Variants in GRIN2A observed in about 807,000 individuals in gnomAD.
GRIN2A encodes glutamate receptor ionotropic, NMDA 2A.
Under a neutral mutation model 113.4 loss-of-function variants are expected in GRIN2A, and 22 were observed. The ratio of observed to expected loss-of-function variants is 0.19; its 90% CI spans 0.14 to 0.28. GRIN2A has a LOEUF of 0.28. GRIN2A is among the 10% of genes least tolerant of loss of function. GRIN2A has a pLI of 1.00. For missense variants in GRIN2A, 1,502 were observed against 1,887.0 expected (o/e 0.80, Z 3.78); for synonymous variants, 827 against 738.4 (o/e 1.12, Z -1.94).
intron 2 of GRIN2A, among the ~76,000 whole-genome samples, chr16:10,102,072 C>G (rs28718954): frequency 0.42 from 63,730 of 152,040 alleles, 13,604 homozygotes; most frequent in East Asian, 0.5. Context: ...AATCATCACA[C>G]GAACTCCTAG....
At chr16:10,079,175 G>A (rs2047933784) in intron 2 of GRIN2A, among the ~76,000 whole-genome samples, 1 of 152,182 alleles carries the variant, frequency 6.6e-6, no homozygotes, top group Non-Finnish European at 1.5e-5. Context: ...GTGCCTTTGG[G>A]AGCTTAATTT....
At chr16:9,800,350 G>A (rs866290075) in intron 10 of GRIN2A, among the ~76,000 whole-genome samples, 1 of 152,084 alleles carries the variant, frequency 6.6e-6, no homozygotes, top group Non-Finnish European at 1.5e-5. Flanking sequence ...TGGAATGCAG[G>A]GATGAATGTC....
rs369551956 is a variant in GRIN2A at position 9,764,001 on chromosome 16, G to C, written c.3543C>G (p.Asn1181Lys). The C allele has an allele frequency of 6.2e-7, 1 of 1,614,140 alleles. No homozygotes were observed. Among genetic ancestry groups the C allele is most frequent in the Non-Finnish European group, 8.5e-7 (1 of 1,180,016 alleles). ...PLHNEEGLSN[N>K]DQYKLYSKHF... ...GCTTGGAGTAGAGTTTATACTGGTC[G>C]TTGTTGGAAAGCCCCTCTTCATTAT... Residue 1181 changes from asparagine (N) to lysine (K), a missense_variant, in exon 13 of 13, where the codon AAC (asparagine) becomes AAG (lysine). Asn to Lys is a moderately conservative substitution (Grantham distance 94, BLOSUM62 0). Coordinates refer to ENST00000330684, the MANE Select transcript of GRIN2A (RefSeq NM_001134407.3).
intron 2 of GRIN2A, among the ~76,000 whole-genome samples, chr16:10,172,236 T>C (rs1389276611): frequency 6.6e-6 from 1 of 152,246 alleles, no homozygotes; most frequent in Non-Finnish European, 1.5e-5. Flanking sequence ...ATTTCATTCT[T>C]CAGACTCTTT....
At chr16:10,132,586 T>C (rs1193558797) in intron 2 of GRIN2A, among the ~76,000 whole-genome samples, 3 of 152,202 alleles carry the variant, frequency 2.0e-5, no homozygotes, top group African/African-American at 4.8e-5. Flanking sequence ...TCCATAGGCA[T>C]TGGAATCATT....
At chr16:9,956,497 A>G (rs2045313700) in intron 2 of GRIN2A, among the ~76,000 whole-genome samples, 3 of 152,302 alleles carry the variant, frequency 2.0e-5, no homozygotes, top group Admixed American at 2.0e-4. Context: ...CCAGATGTCA[A>G]TTATCACTTA....
intron 2 of GRIN2A, among the ~76,000 whole-genome samples, chr16:10,165,513 T>TATATATATATATGTATATATATATAC (rs1325094168): frequency 8.8e-5 from 7 of 79,268 alleles, no homozygotes; most frequent in African/African-American, 2.2e-4. Context: ...TATATATACA[T>TATATATATATATGTATATATATATAC]ATATATATAT....
intron 7 of GRIN2A, among the ~76,000 whole-genome samples, chr16:9,835,436 C>A (rs1057028644): frequency 6.6e-6 from 1 of 152,076 alleles, no homozygotes; most frequent in African/African-American, 2.4e-5. Context: ...AATAAGATTA[C>A]TATTCAACTT....
intron 2 of GRIN2A, among the ~76,000 whole-genome samples, chr16:10,060,178 G>T (rs897047747): frequency 6.6e-6 from 1 of 152,110 alleles, no homozygotes; most frequent in African/African-American, 2.4e-5. Context: ...AACAGAGAAG[G>T]GAAAGGTCAG....
At chr16:10,035,567 G>A (rs1442775855) in intron 2 of GRIN2A, among the ~76,000 whole-genome samples, 1 of 152,112 alleles carries the variant, frequency 6.6e-6, no homozygotes, top group African/African-American at 2.4e-5. Flanking sequence ...CAGACCCTAG[G>A]CCAGGGGCTT....
At position 9,905,751 on chromosome 16, in the gene GRIN2A, C is replaced by G. The variant is rs79089259; in HGVS notation, c.1008-14651G>C. Among the ~76,000 whole-genome samples the G allele has an allele frequency of 2.4e-3, 361 of 152,156 alleles. 1 individual carries two copies. The highest frequency in any genetic ancestry group is 8.2e-3 in the African/African-American group (342 of 41,514). ...GTTTCCCTGGCCATAAAAATATATA[C>G]AAGGGGGAGGGGTGCACCTGTCCCA... On this transcript the variant is annotated intron_variant, in intron 3 of 12. Coordinates refer to ENST00000330684, the MANE Select transcript of GRIN2A (RefSeq NM_001134407.3).
intron 2 of GRIN2A, among the ~76,000 whole-genome samples, chr16:10,152,034 G>A (rs1459098564): frequency 6.6e-6 from 1 of 152,178 alleles, no homozygotes; most frequent in African/African-American, 2.4e-5. Flanking sequence ...TCCTGAGAAG[G>A]AGACACAGTG....
intron 2 of GRIN2A, among the ~76,000 whole-genome samples, chr16:9,977,699 T>C (rs2045804071): frequency 6.6e-6 from 1 of 152,006 alleles, no homozygotes; most frequent in Non-Finnish European, 1.5e-5. Flanking sequence ...CCTCCTCATA[T>C]CCCATATGCA....
chr16:9,762,623 A>G lies in GRIN2A; in HGVS notation c.*526T>C, dbSNP rs552698364. The G allele has an allele frequency of 1.2e-4, 30 of 240,216 alleles. No homozygotes were observed. The highest frequency in any genetic ancestry group is 6.6e-4 in the African/African-American group (30 of 45,334). 14.9% of individuals were successfully genotyped at this position (240,216 alleles called of 1,614,324 possible). ...GCATAACAAGAAAGCTGAAACTGTT[A>G]CGAGCCAAACTTCCTAATCTCTTGC... On this transcript the variant is annotated 3_prime_UTR_variant, in exon 13 of 13. Coordinates refer to ENST00000330684, the MANE Select transcript of GRIN2A (RefSeq NM_001134407.3).
intron 2 of GRIN2A, among the ~76,000 whole-genome samples, chr16:10,071,102 A>C (rs943768659): frequency 3.3e-5 from 5 of 152,202 alleles, no homozygotes; most frequent in Admixed American, 3.3e-4. Context: ...AGTGTGTTAA[A>C]ATTGATAAAC....
intron 2 of GRIN2A, among the ~76,000 whole-genome samples, chr16:9,963,523 CAT>C (rs1203948364): frequency 5.9e-5 from 9 of 151,952 alleles, no homozygotes; most frequent in East Asian, 2.0e-4. Context: ...TGAGTGAAAA[CAT>C]GTGGTGTTAA....
intron 2 of GRIN2A, among the ~76,000 whole-genome samples, chr16:10,151,166 C>T (rs9937806): frequency 3.3e-5 from 5 of 152,212 alleles, no homozygotes; most frequent in Non-Finnish European, 7.3e-5. Context: ...ATTAAATGCA[C>T]TTGCTTGATC....
intron 2 of GRIN2A, among the ~76,000 whole-genome samples, chr16:9,995,111 C>T (rs561503294): frequency 1.2e-3 from 183 of 152,218 alleles, no homozygotes; most frequent in Non-Finnish European, 2.2e-3. Context: ...CTCCTATCAT[C>T]CCCTTAAGGT....
At chr16:9,821,485 C>T (rs984532219) in intron 10 of GRIN2A, among the ~76,000 whole-genome samples, 16 of 152,200 alleles carry the variant, frequency 1.1e-4, no homozygotes, top group Non-Finnish European at 2.1e-4. Flanking sequence ...AGCAAGACCA[C>T]AGAACAATGG....
Sources: allele counts gnomAD v4.1 joint callset (sites outside exome capture counted in the v4.1 genomes callset), GRCh38; gene constraint gnomAD v4.1.1; transcripts MANE v1.5; gene names NCBI Gene and HGNC (gene_info 2026-07-23, HGNC 2026-07-21).